Variants in IL1RAPL1 observed in about 807,000 individuals in gnomAD.
The protein encoded by IL1RAPL1 is interleukin-1 receptor accessory protein-like 1.
In IL1RAPL1, 3 loss-of-function variants were observed where a neutral mutation model predicts 48.4. The observed-to-expected ratio is 0.06, with a 90% CI of 0.03 to 0.16. The LOEUF is 0.16. Ranked by LOEUF, IL1RAPL1 falls within the 10% of genes least tolerant of loss-of-function variation. IL1RAPL1 has a pLI of 1.00. For missense variants in IL1RAPL1, 349 were observed against 530.6 expected (o/e 0.66, Z 3.36); for synonymous variants, 185 against 187.7 (o/e 0.99, Z 0.12).
At chrX:29,085,453 G>C (rs1005428338) in intron 2 of IL1RAPL1, among the ~76,000 whole-genome samples, 4 of 111,361 alleles carry the variant, frequency 3.6e-5, no homozygotes, top group African/African-American at 1.3e-4. Context: ...ATATATGAAC[G>C]AGTTAATCCT....
chrX:29,255,152 T>C (rs927493635), intron 2 of IL1RAPL1, among the ~76,000 whole-genome samples: 39 of 109,390 alleles, frequency 3.6e-4, no homozygotes, highest in Non-Finnish European at 2.7e-4. Flanking sequence ...CGTGTGTGTG[T>C]GTGTGTGTGT....
chrX:28,842,956 T>C (rs1194385630), intron 2 of IL1RAPL1, among the ~76,000 whole-genome samples: 3 of 111,143 alleles, frequency 2.7e-5, no homozygotes, highest in African/African-American at 9.8e-5. Context: ...GTTGAAATGA[T>C]AAAGACATGG....
chrX:29,816,338 T>C (rs1351757660), intron 6 of IL1RAPL1, among the ~76,000 whole-genome samples: 2 of 111,085 alleles, frequency 1.8e-5, no homozygotes, highest in East Asian at 5.6e-4. Context: ...ATGCATAAAT[T>C]CCTGGAAACA....
At chrX:28,942,498 C>T (rs994154733) in intron 2 of IL1RAPL1, 1 of 107,814 alleles carries the variant, frequency 9.3e-6, no homozygotes, top group African/African-American at 3.3e-5. Flanking sequence ...TAGGAAGTAT[C>T]CCTAAATTGT....
chrX:29,312,552 T>C (rs1569282934), intron 3 of IL1RAPL1, among the ~76,000 whole-genome samples: 1 of 112,410 alleles, frequency 8.9e-6, no homozygotes, highest in East Asian at 2.8e-4. Context: ...TATGGGTTGC[T>C]TATTTATACC....
At position 29,730,984 on chromosome X, in the gene IL1RAPL1, T is replaced by C. The variant is rs191938231; in HGVS notation, c.778+62480T>C. 3.4e-4 allele frequency among the ~76,000 whole-genome samples: 38 copies of C among 112,416 alleles called. 1 individual carries two copies. The East Asian group carries it at 8.4e-3, about 25-fold the overall frequency. ...TGTTTTACTCTATCCCCAAATTACATACCCCTGTGATTTATACTTATGTCA... is the reference window on the plus strand; with the variant it reads ...TGTTTTACTCTATCCCCAAATTACACACCCCTGTGATTTATACTTATGTCA... On this transcript the variant is annotated intron_variant, in intron 6 of 10. Coordinates refer to ENST00000378993, the MANE Select transcript of IL1RAPL1 (RefSeq NM_014271.4).
At chrX:29,201,693 A>AT (rs11361698) in intron 2 of IL1RAPL1, among the ~76,000 whole-genome samples, 152 of 100,268 alleles carry the variant, frequency 1.5e-3, no homozygotes, top group South Asian at 4.8e-3. Flanking sequence ...ATCATTATTG[A>AT]TTTTTTTTTT....
chrX:29,094,294 G>A (rs749188145), intron 2 of IL1RAPL1, among the ~76,000 whole-genome samples: 2 of 111,410 alleles, frequency 1.8e-5, no homozygotes, highest in Admixed American at 1.9e-4. Flanking sequence ...TTTAATATAT[G>A]ATGAAAATGA....
chrX:29,775,496 A>G (rs1929173808), intron 6 of IL1RAPL1, among the ~76,000 whole-genome samples: 1 of 111,533 alleles, frequency 9.0e-6, no homozygotes, highest in Admixed American at 9.6e-5. Flanking sequence ...AACACATTGT[A>G]AGAGCACAGT....
intron 2 of IL1RAPL1, among the ~76,000 whole-genome samples, chrX:29,093,279 C>G (rs1602053520): frequency 9.0e-6 from 1 of 110,508 alleles, no homozygotes; most frequent in East Asian, 2.9e-4. Context: ...AGGAAACTTA[C>G]AATCATGGTG....
intron 3 of IL1RAPL1, among the ~76,000 whole-genome samples, chrX:29,345,356 ATGT>A (rs1343085529): frequency 9.0e-6 from 1 of 111,722 alleles, no homozygotes; most frequent in East Asian, 2.8e-4. Flanking sequence ...TGCTATTGAC[ATGT>A]TGTTGTAATA....
intron 2 of IL1RAPL1, among the ~76,000 whole-genome samples, chrX:29,025,791 G>A (rs1926472125): frequency 9.0e-6 from 1 of 111,386 alleles, no homozygotes; most frequent in African/African-American, 3.3e-5. Flanking sequence ...TTTCCATGTT[G>A]CATTATTGGC....
chrX:29,837,042 G>A (rs1931022847), intron 6 of IL1RAPL1, among the ~76,000 whole-genome samples: 1 of 108,184 alleles, frequency 9.2e-6, no homozygotes, highest in African/African-American at 3.4e-5. Context: ...GGCAGATCAC[G>A]AGGTCAGGAG....
intron 8 of IL1RAPL1, among the ~76,000 whole-genome samples, chrX:29,938,802 CT>C (rs1343578902): frequency 1.8e-5 from 2 of 112,049 alleles, no homozygotes; most frequent in Non-Finnish European, 3.8e-5. Context: ...TCATGTTGGT[CT>C]GTTCTTGAGT....
At position 28,761,086 on chromosome X, in the gene IL1RAPL1, CA is replaced by C. The variant is rs34538764; in HGVS notation, c.-24-28220del. Among the ~76,000 whole-genome samples, 126 of 89,237 alleles carry C rather than the reference CA, an allele frequency of 1.4e-3. 1 individual carries two copies. Among genetic ancestry groups the C allele is most frequent in the Middle Eastern group, 5.7e-3 (1 of 175 alleles). The allele number at this position is 89,237 out of a possible 115,157, so 77.5% of individuals were successfully genotyped here. ...TGGGCAACAGAGCGAGACTCCTTCT[CA>C]AAAAAAAAAAAAAGTCAAAAAAGAA... On this transcript the variant is annotated intron_variant, in intron 1 of 10. Coordinates refer to ENST00000378993, the MANE Select transcript of IL1RAPL1 (RefSeq NM_014271.4).
chrX:29,562,847 A>T (rs1922282500), intron 5 of IL1RAPL1, among the ~76,000 whole-genome samples: 2 of 111,946 alleles, frequency 1.8e-5, no homozygotes, highest in South Asian at 3.7e-4. Context: ...GGCTTTCATT[A>T]TTAGGAGTGG....
At chrX:28,955,425 A>C (rs919978632) in intron 2 of IL1RAPL1, among the ~76,000 whole-genome samples, 1 of 111,412 alleles carries the variant, frequency 9.0e-6, no homozygotes, top group African/African-American at 3.3e-5. Context: ...CAAATACATT[A>C]GGTCGAATCA....
intron 6 of IL1RAPL1, among the ~76,000 whole-genome samples, chrX:29,857,112 A>G (rs1359239116): frequency 9.0e-6 from 1 of 111,646 alleles, no homozygotes. Context: ...TGAAAATTGC[A>G]TAACACGAGT....
intron 2 of IL1RAPL1, among the ~76,000 whole-genome samples, chrX:28,975,804 G>A: frequency 8.9e-6 from 1 of 112,257 alleles, no homozygotes; most frequent in East Asian, 2.8e-4. Context: ...ACAATACTGA[G>A]AGGAACTTGC....
Sources: gnomAD v4.1 joint callset for allele counts (sites outside exome capture counted in the v4.1 genomes callset) on GRCh38, gnomAD v4.1.1 for gene constraint, MANE v1.5 for transcripts, NCBI Gene and HGNC (gene_info 2026-07-23, HGNC 2026-07-21) for gene names.